Variants in GLI3 observed in about 807,000 individuals in gnomAD.
The protein encoded by GLI3 is GLI family zinc finger 3, also known as transcription activator GLI3.
A neutral mutation model predicts 100.8 loss-of-function variants in GLI3; 20 were observed. The observed-to-expected ratio is 0.20, with a 90% CI of 0.14 to 0.29. The LOEUF (loss-of-function observed/expected upper bound fraction) is 0.29. Among genes scored for constraint, GLI3 ranks in the 10% least tolerant of loss-of-function variants. The pLI, the probability that GLI3 is intolerant of heterozygous loss-of-function variation, is 1.00. For synonymous variants in GLI3, 938 were observed against 860.5 expected (o/e 1.09, Z -1.58); for missense variants, 2,040 against 2,128.5 (o/e 0.96, Z 0.82).
intron 6 of GLI3, among the ~76,000 whole-genome samples, chr7:42,044,555 AC>A (rs1410545935): frequency 6.6e-6 from 1 of 152,234 alleles, no homozygotes; most frequent in Non-Finnish European, 1.5e-5. Context: ...ACTGCTAGGT[AC>A]TAAAAGTAGT....
chr7:42,029,566 A>G (rs973486228), intron 7 of GLI3, among the ~76,000 whole-genome samples: 2 of 152,068 alleles, frequency 1.3e-5, no homozygotes, highest in African/African-American at 4.8e-5. Context: ...CTCCTCCTTT[A>G]AATCAAGGTG....
At chr7:42,179,952 T>A (rs1787558009) in intron 2 of GLI3, among the ~76,000 whole-genome samples, 1 of 152,008 alleles carries the variant, frequency 6.6e-6, no homozygotes, top group East Asian at 1.9e-4. Context: ...AAGTGTGAAG[T>A]TTGGATGGGA....
At chr7:41,985,002 G>C (rs1583756589) in intron 10 of GLI3, among the ~76,000 whole-genome samples, 1 of 152,214 alleles carries the variant, frequency 6.6e-6, no homozygotes. Flanking sequence ...GGCTTAGAAA[G>C]CAGTGTGTTC....
chr7:42,205,911 G>T (rs1234646175), intron 2 of GLI3, among the ~76,000 whole-genome samples: 1 of 152,130 alleles, frequency 6.6e-6, no homozygotes, highest in Admixed American at 6.6e-5. Context: ...GACTAAGATT[G>T]CTTCCCACAG....
chr7:42,070,105 T>A (rs963281687), intron 4 of GLI3, among the ~76,000 whole-genome samples: 2 of 152,204 alleles, frequency 1.3e-5, no homozygotes, highest in Non-Finnish European at 2.9e-5. Flanking sequence ...TTCTCAAATG[T>A]GATTAAGTAT....
chr7:42,155,440 C>CA (rs570132468), intron 2 of GLI3, among the ~76,000 whole-genome samples: 2,724 of 121,378 alleles, frequency 0.022, 69 homozygotes, highest in African/African-American at 0.064. Flanking sequence ...ACTCAGTCTC[C>CA]AAAAAAAAAA....
At chr7:42,077,628 G>A (rs1449994998) in intron 3 of GLI3, among the ~76,000 whole-genome samples, 3 of 151,616 alleles carry the variant, frequency 2.0e-5, no homozygotes, top group East Asian at 1.9e-4. Flanking sequence ...CCAACGCTCC[G>A]GGTTCCTGAG....
At chr7:42,141,141 A>T (rs768643927) in intron 3 of GLI3, among the ~76,000 whole-genome samples, 1 of 152,202 alleles carries the variant, frequency 6.6e-6, no homozygotes, top group Non-Finnish European at 1.5e-5. Context: ...AGTTGGGAAG[A>T]TGTTACCAAA....
At chr7:42,038,561 T>C (rs1252684257) in intron 7 of GLI3, among the ~76,000 whole-genome samples, 3 of 152,208 alleles carry the variant, frequency 2.0e-5, no homozygotes, top group Admixed American at 1.3e-4. Context: ...TATTTGTAAC[T>C]ACAGTGGTTA....
chr7:42,048,780 G>A, intron 4 of GLI3, 84 bp from the exon 5 acceptor site: 1 of 927,114 alleles, frequency 1.1e-6, no homozygotes, highest in Non-Finnish European at 1.7e-6. Flanking sequence ...AAGAAAATAA[G>A]TAAGATTTTA....
At chr7:41,983,474 T>C (rs562618943) in intron 10 of GLI3, among the ~76,000 whole-genome samples, 3 of 152,334 alleles carry the variant, frequency 2.0e-5, no homozygotes, top group South Asian at 2.1e-4. Context: ...GATGGACGAA[T>C]TGACCCCATA....
chr7:42,184,329 G>A (rs889346903), intron 2 of GLI3, among the ~76,000 whole-genome samples: 1 of 152,168 alleles, frequency 6.6e-6, no homozygotes, highest in Non-Finnish European at 1.5e-5. Flanking sequence ...GGCCCCTGCC[G>A]CAGATCTCCC....
intron 10 of GLI3, among the ~76,000 whole-genome samples, chr7:41,981,858 A>G (rs1163678367): frequency 6.6e-6 from 1 of 152,162 alleles, no homozygotes; most frequent in African/African-American, 2.4e-5. Context: ...GCCTGGAAAA[A>G]TCCCAATCAT....
intron 4 of GLI3, among the ~76,000 whole-genome samples, chr7:42,061,665 T>A (rs1354835230): frequency 6.6e-6 from 1 of 152,214 alleles, no homozygotes; most frequent in African/African-American, 2.4e-5. Context: ...CTTTATGTCC[T>A]AAGCATACTT....
At chr7:42,044,360 C>T (rs185742780) in intron 6 of GLI3, among the ~76,000 whole-genome samples, 13 of 152,270 alleles carry the variant, frequency 8.5e-5, no homozygotes, top group Non-Finnish European at 1.6e-4. Context: ...CACTTCAGAG[C>T]GCCTTGCAAA....
At chr7:41,995,537 T>C (rs6463083) in intron 10 of GLI3, among the ~76,000 whole-genome samples, 79,550 of 151,924 alleles carry the variant, frequency 0.52, 22,898 homozygotes, top group African/African-American at 0.79. Flanking sequence ...GTGGCATAGA[T>C]AAGAACAAAA....
At chr7:42,063,253 A>G (rs916587299) in intron 4 of GLI3, among the ~76,000 whole-genome samples, 1 of 152,148 alleles carries the variant, frequency 6.6e-6, no homozygotes, top group African/African-American at 2.4e-5. Flanking sequence ...AGGGGAAAAA[A>G]TCTTGACAAT....
intron 10 of GLI3, among the ~76,000 whole-genome samples, chr7:42,022,794 A>C (rs765556308): frequency 5.9e-5 from 9 of 152,214 alleles, no homozygotes; most frequent in Non-Finnish European, 1.2e-4. Flanking sequence ...GGCTTTGTGC[A>C]CACTGCATTT....
At chr7:42,120,500 G>A (rs1486313620) in intron 3 of GLI3, among the ~76,000 whole-genome samples, 11 of 152,326 alleles carry the variant, frequency 7.2e-5, no homozygotes, top group Middle Eastern at 6.8e-3. Context: ...AAATTTGCAA[G>A]TAATTGCATG....
Sources: allele counts gnomAD v4.1 joint callset (sites outside exome capture counted in the v4.1 genomes callset), GRCh38; gene constraint gnomAD v4.1.1; transcripts MANE v1.5; gene names NCBI Gene and HGNC (gene_info 2026-07-23, HGNC 2026-07-21).